FMN1: variants seen among roughly 807,000 people sequenced by gnomAD.
FMN1 encodes the protein formin-1.
Under a neutral mutation model 132.4 loss-of-function variants are expected in FMN1, and 110 were observed. That is an observed-to-expected ratio of 0.83 (90% CI 0.71 to 0.97). FMN1 has a LOEUF of 0.97. Ranked by LOEUF, FMN1 falls within the 50% of genes least tolerant of loss-of-function variation. The probability of loss-of-function intolerance (pLI) is 0.00; values close to 1 mark genes in which losing one functional copy is unlikely to be tolerated. For missense variants in FMN1, 1,792 were observed against 1,705.3 expected (o/e 1.05, Z -0.90); for synonymous variants, 722 against 651.7 (o/e 1.11, Z -1.64).
At chr15:33,115,107 A>G in intron 4 of FMN1, among the ~76,000 whole-genome samples, 1 of 152,218 alleles carries the variant, frequency 6.6e-6, no homozygotes, top group East Asian at 1.9e-4. Context: ...ATATGATACA[A>G]AGATAACTAA....
At chr15:33,033,398 C>T (rs939909527) in intron 6 of FMN1, among the ~76,000 whole-genome samples, 1 of 152,144 alleles carries the variant, frequency 6.6e-6, no homozygotes, top group Admixed American at 6.5e-5. Context: ...TGCACATCCT[C>T]CCGCCTACCA....
At chr15:32,964,827 G>C (rs1216925767) in intron 8 of FMN1, among the ~76,000 whole-genome samples, 3 of 152,098 alleles carry the variant, frequency 2.0e-5, no homozygotes, top group Admixed American at 6.5e-5. Flanking sequence ...ATGATTCATA[G>C]TATCTCAGTC....
In FMN1 at chr15:33,154,617, T is replaced by G; in HGVS notation, c.298A>C (p.Asn100His). Residue 100 changes from asparagine (N) to histidine (H), a missense_variant, in exon 4 of 21, where the codon AAT (asparagine) becomes CAT (histidine). Physicochemically the swap from Asn to His is moderately conservative, Grantham distance 68. Transcript: ENST00000616417. ...AGGATGTGGTCTGAGCTCAGGAGAT[T>G]GGTTAGCAGTCTCTCCCTCTCTGTT... ...LTTERERLLTNLLSSDHILGI... is the reference protein window; with the variant it reads ...LTTERERLLTHLLSSDHILGI... 6.5e-7 allele frequency: 1 copy of G among 1,536,062 alleles called. No homozygotes were observed. Among genetic ancestry groups the G allele is most frequent in the South Asian group, 1.2e-5 (1 of 84,016 alleles).
At chr15:33,163,924 TG>T (rs1230388429) in intron 3 of FMN1, among the ~76,000 whole-genome samples, 1 of 152,032 alleles carries the variant, frequency 6.6e-6, no homozygotes, top group African/African-American at 2.4e-5. Context: ...GGCCTGTTTT[TG>T]TTTTTTTTGA....
intron 8 of FMN1, among the ~76,000 whole-genome samples, chr15:32,965,816 A>G (rs1314882930): frequency 6.6e-6 from 1 of 152,220 alleles, no homozygotes; most frequent in Non-Finnish European, 1.5e-5. Flanking sequence ...TAACAATAGA[A>G]TGAACACCTG....
In FMN1 at chr15:33,153,939, C is replaced by A. The variant is rs1025001391; in HGVS notation, c.976G>T (p.Val326Phe). Residue 326 changes from valine to phenylalanine, a missense_variant, in exon 4 of 21, where the codon GTC becomes TTC. Val to Phe is a conservative substitution (Grantham distance 50). Coordinates refer to ENST00000616417, the MANE Select transcript of FMN1 (RefSeq NM_001277313.2). ...TGAACTTTGGCCACCACTTTGGAGACAGGTTTCTGCTTGCAAGTCCGCTTA... is the reference window on the plus strand; with the variant it reads ...TGAACTTTGGCCACCACTTTGGAGAAAGGTTTCTGCTTGCAAGTCCGCTTA... Reference protein sequence around the residue: ...PAKRTCKQKPVSKVVAKVQDL... With the variant: ...PAKRTCKQKPFSKVVAKVQDL... 1 of 1,536,798 alleles carries A rather than the reference C, an allele frequency of 6.5e-7. No homozygotes were observed. Among genetic ancestry groups the A allele is most frequent in the Admixed American group, 2.0e-5 (1 of 51,006 alleles).
chr15:33,186,403 C>T (rs1965888518), intron 2 of FMN1, among the ~76,000 whole-genome samples: 1 of 152,060 alleles, frequency 6.6e-6, no homozygotes, highest in Admixed American at 6.5e-5. Flanking sequence ...AAGTGTTTAG[C>T]CTCGAAAATC....
chr15:32,892,693 C>CT (rs974155203), intron 15 of FMN1, among the ~76,000 whole-genome samples: 4 of 150,894 alleles, frequency 2.7e-5, no homozygotes, highest in Non-Finnish European at 4.4e-5. Flanking sequence ...GGTCCTGGAC[C>CT]TTTTTTTTTG....
chr15:33,128,776 C>G (rs979128231), intron 4 of FMN1, among the ~76,000 whole-genome samples: 3 of 152,178 alleles, frequency 2.0e-5, no homozygotes, highest in Non-Finnish European at 2.9e-5. Flanking sequence ...TGGTATGGAC[C>G]CAAACGGTGA....
intron 7 of FMN1, among the ~76,000 whole-genome samples, chr15:32,988,613 G>A (rs2033233212): frequency 6.6e-6 from 1 of 152,178 alleles, no homozygotes; most frequent in Admixed American, 6.5e-5. Context: ...GAAGAGGCTC[G>A]ACTTTCAGTC....
intron 5 of FMN1, among the ~76,000 whole-genome samples, chr15:33,076,337 C>CCT (rs2038207694): frequency 1.3e-5 from 2 of 152,202 alleles, no homozygotes; most frequent in African/African-American, 4.8e-5. Flanking sequence ...ATGCCTGTTG[C>CCT]CTATATTCCC....
At chr15:32,994,067 C>T (rs748769115) in intron 7 of FMN1, among the ~76,000 whole-genome samples, 17 of 152,030 alleles carry the variant, frequency 1.1e-4, no homozygotes, top group South Asian at 2.1e-4. Flanking sequence ...CTTTCTCCAC[C>T]GCACTGTTTT....
chr15:33,140,579 G>C (rs1275685160), intron 4 of FMN1, among the ~76,000 whole-genome samples: 1 of 152,208 alleles, frequency 6.6e-6, no homozygotes, highest in African/African-American at 2.4e-5. Context: ...TGGTGATCTA[G>C]TGTCAGACTC....
intron 9 of FMN1, among the ~76,000 whole-genome samples, chr15:32,931,441 AT>A (rs1053153758): frequency 1.3e-5 from 2 of 151,972 alleles, no homozygotes; most frequent in African/African-American, 4.8e-5. Flanking sequence ...TAAGTATTTC[AT>A]TTTTTTGGAT....
At chr15:33,190,322 G>A (rs62012809) in intron 2 of FMN1, among the ~76,000 whole-genome samples, 11,603 of 152,208 alleles carry the variant, frequency 0.076, 664 homozygotes, top group African/African-American at 0.17. Flanking sequence ...CCTGTGTGCT[G>A]CTCAAAAGAT....
rs1405532148 is a variant in FMN1, at chr15:32,767,190, G to A, written c.*7120C>T. The A allele has an allele frequency of 6.6e-6, 1 of 152,142 alleles. No individual in the cohort carries two copies. The highest frequency in any genetic ancestry group is 1.5e-5 in the Non-Finnish European group (1 of 68,026). The allele number at this position is 152,142 out of a possible 1,614,324, so 9.4% of individuals were successfully genotyped here. A position where few individuals can be genotyped will look rare whatever the true frequency, so the allele number is the denominator to read the frequency against. The stretch of plus-strand genomic sequence containing the variant: ...ATCAGCAAAACATTGCACTAGCCTC[G>A]TTCAAATTTTTCTCCTCCATGCGTC... On this transcript the variant is annotated 3_prime_UTR_variant, in exon 21 of 21. Coordinates refer to ENST00000616417, the MANE Select transcript of FMN1 (RefSeq NM_001277313.2).
intron 9 of FMN1, among the ~76,000 whole-genome samples, chr15:32,956,372 T>TTA (rs777952851): frequency 0.023 from 3,415 of 151,004 alleles, 56 homozygotes; most frequent in Non-Finnish European, 0.03. Flanking sequence ...TTTTTTTTTT[T>TTA]AAAAAAATAA....
intron 4 of FMN1, chr15:33,151,437 T>C: frequency 6.6e-7 from 1 of 1,514,808 alleles, no homozygotes; most frequent in Non-Finnish European, 8.9e-7. Flanking sequence ...AAGGAACATG[T>C]GATCATCCAT....
At chr15:33,056,510 G>A (rs1027074605) in intron 6 of FMN1, among the ~76,000 whole-genome samples, 1 of 152,222 alleles carries the variant, frequency 6.6e-6, no homozygotes, top group Non-Finnish European at 1.5e-5. Context: ...AGTTTGAACA[G>A]TAGGCCCCCT....
Sources: allele counts gnomAD v4.1 joint callset (sites outside exome capture counted in the v4.1 genomes callset), GRCh38; gene constraint gnomAD v4.1.1; transcripts MANE v1.5; gene names NCBI Gene and HGNC (gene_info 2026-07-23, HGNC 2026-07-21).